Variants in FLI1 observed in about 807,000 individuals in gnomAD.
FLI1 encodes Fli-1 proto-oncogene, ETS transcription factor.
In FLI1, 13 loss-of-function variants were observed where a neutral mutation model predicts 53.1. The observed-to-expected ratio is 0.24, with a 90% CI of 0.16 to 0.39. FLI1 has a LOEUF of 0.39. Among genes scored for constraint, FLI1 ranks in the 10% least tolerant of loss-of-function variants. The pLI, the probability that FLI1 is intolerant of heterozygous loss-of-function variation, is 1.00. For missense variants in FLI1, 424 were observed against 600.5 expected (o/e 0.71, Z 3.07); for synonymous variants, 244 against 236.7 (o/e 1.03, Z -0.28).
chr11:128,784,327 C>T (rs189855496), intron 5 of FLI1, among the ~76,000 whole-genome samples: 272 of 148,702 alleles, frequency 1.8e-3, no homozygotes, highest in African/African-American at 6.4e-3. Context: ...CTTCCCTTGG[C>T]CCTTTTGTGT....
At chr11:128,723,865 C>G (rs537481525) in intron 1 of FLI1, among the ~76,000 whole-genome samples, 1 of 151,202 alleles carries the variant, frequency 6.6e-6, no homozygotes, top group Non-Finnish European at 1.5e-5. Context: ...ACAGGAGCAA[C>G]CAGCTCTACT....
At chr11:128,789,250 T>C (rs1003657888) in intron 5 of FLI1, among the ~76,000 whole-genome samples, 2 of 152,120 alleles carry the variant, frequency 1.3e-5, no homozygotes, top group East Asian at 1.9e-4. Flanking sequence ...GGGTGTTTGA[T>C]GTGGGTTTCA....
At chr11:128,765,324 C>A (rs1230431986) in intron 2 of FLI1, among the ~76,000 whole-genome samples, 1 of 152,208 alleles carries the variant, frequency 6.6e-6, no homozygotes, top group Non-Finnish European at 1.5e-5. Flanking sequence ...CCTGTGCCTA[C>A]CGTACATGGC....
At chr11:128,805,797 T>C (rs529123068) in intron 6 of FLI1, 191 of 185,782 alleles carry the variant, frequency 1.0e-3, no homozygotes, top group African/African-American at 4.1e-3. Context: ...TGAGGCTAAG[T>C]CGTACCAATT....
chr11:128,763,876 T>G (rs1302815651), intron 2 of FLI1, among the ~76,000 whole-genome samples: 1 of 152,224 alleles, frequency 6.6e-6, no homozygotes, highest in Non-Finnish European at 1.5e-5. Context: ...GGAATTTGCT[T>G]TTAAGTTATT....
intron 3 of FLI1, among the ~76,000 whole-genome samples, chr11:128,772,298 C>T (rs1036127720): frequency 2.0e-5 from 3 of 152,192 alleles, no homozygotes; most frequent in Non-Finnish European, 4.4e-5. Context: ...GGTTTCTGTT[C>T]AAGACTAACA....
intron 5 of FLI1, among the ~76,000 whole-genome samples, chr11:128,803,085 TAAGTCAGAAGTC>T (rs1328665361): frequency 6.6e-6 from 1 of 152,164 alleles, no homozygotes; most frequent in Non-Finnish European, 1.5e-5. Flanking sequence ...ATCCATGCAG[TAAGTCAGAAGTC>T]AAGTCAGAAG....
At chr11:128,711,703 G>A (rs905471808) in intron 1 of FLI1, among the ~76,000 whole-genome samples, 1 of 152,116 alleles carries the variant, frequency 6.6e-6, no homozygotes, top group African/African-American at 2.4e-5. Context: ...TACTGGCATT[G>A]TACTTGCTTA....
intron 5 of FLI1, among the ~76,000 whole-genome samples, chr11:128,795,002 G>A (rs896685825): frequency 6.6e-6 from 1 of 152,190 alleles, no homozygotes; most frequent in African/African-American, 2.4e-5. Context: ...CTTGAGCCTG[G>A]GAGGTCAAAG....
intron 1 of FLI1, among the ~76,000 whole-genome samples, chr11:128,729,072 T>C (rs1038208517): frequency 2.0e-5 from 3 of 152,112 alleles, no homozygotes; most frequent in Admixed American, 2.0e-4. Context: ...GACAGGACGG[T>C]CATTTGAGTT....
At chr11:128,739,884 GA>G (rs1333299362) in intron 1 of FLI1, among the ~76,000 whole-genome samples, 2 of 152,152 alleles carry the variant, frequency 1.3e-5, no homozygotes, top group Non-Finnish European at 2.9e-5. Context: ...GGAAATATTA[GA>G]AGATCGTTAA....
upstream of FLI1, among the ~76,000 whole-genome samples, chr11:128,685,349 G>C (rs892358645): frequency 1.3e-5 from 2 of 152,222 alleles, no homozygotes; most frequent in African/African-American, 4.8e-5. Flanking sequence ...GCTCCTGCGG[G>C]CTTAGCAGGA....
At chr11:128,790,848 T>C (rs545360763) in intron 5 of FLI1, among the ~76,000 whole-genome samples, 3 of 152,292 alleles carry the variant, frequency 2.0e-5, no homozygotes, top group East Asian at 1.9e-4. Flanking sequence ...TCTGTGTTAA[T>C]TGATGGATTA....
intron 6 of FLI1, chr11:128,806,875 T>C (rs1257821874): frequency 1.2e-5 from 3 of 250,366 alleles, no homozygotes; most frequent in African/African-American, 6.6e-5. Flanking sequence ...TTTTAAAAAT[T>C]TGAAAATGAA....
intron 4 of FLI1, among the ~76,000 whole-genome samples, chr11:128,777,139 C>G (rs1941753559): frequency 6.6e-6 from 1 of 152,138 alleles, no homozygotes; most frequent in South Asian, 2.1e-4. Flanking sequence ...CGAGATTTGT[C>G]CCTTCTCAGG....
At chr11:128,768,545 CAGGTGTGGT>C (rs1941436303) in intron 3 of FLI1, 6 of 431,474 alleles carry the variant, frequency 1.4e-5, no homozygotes, top group South Asian at 7.0e-5. Context: ...AAAAATTAGC[CAGGTGTGGT>C]AGTGGACGCT....
rs564876946 is a variant in FLI1 at position 128,750,625 on chromosome 11, G to A, written c.19-7490G>A. On this transcript the variant is annotated intron_variant, in intron 1 of 8. Coordinates refer to ENST00000527786, the MANE Select transcript of FLI1 (RefSeq NM_002017.5). ...CCCCTCTGGAGGCTTTTCCATCTCG[G>A]CCTTAGCTAGACTGTTTGAAGATGC... is the stretch of plus-strand genomic sequence containing the variant. Among the ~76,000 whole-genome samples the A allele has an allele frequency of 2.6e-5, 4 of 152,264 alleles. No homozygotes were observed. In the East Asian group the frequency reaches 7.7e-4, roughly 29 times the overall value.
chr11:128,783,738 G>C (rs1408597126), intron 5 of FLI1, among the ~76,000 whole-genome samples: 1 of 152,218 alleles, frequency 6.6e-6, no homozygotes, highest in African/African-American at 2.4e-5. Context: ...AACTCTGTCA[G>C]CAAGAGGCCA....
intron 3 of FLI1, among the ~76,000 whole-genome samples, chr11:128,769,316 C>T (rs1203643795): frequency 6.6e-6 from 1 of 152,174 alleles, no homozygotes. Context: ...AAAGTGATTA[C>T]AGGGCAGGGA....
Sources: allele counts gnomAD v4.1 joint callset (sites outside exome capture counted in the v4.1 genomes callset), GRCh38; gene constraint gnomAD v4.1.1; transcripts MANE v1.5; gene names NCBI Gene and HGNC (gene_info 2026-07-23, HGNC 2026-07-21).